CACNA1A: variants seen among roughly 807,000 people sequenced by gnomAD.
CACNA1A encodes calcium voltage-gated channel subunit alpha1 A.
A neutral mutation model predicts 262.4 loss-of-function variants in CACNA1A; 57 were observed. The observed-to-expected ratio is 0.22, with a 90% CI of 0.18 to 0.27. CACNA1A has a LOEUF of 0.27. CACNA1A is among the 10% of genes least tolerant of loss of function. CACNA1A has a pLI of 1.00. For synonymous variants in CACNA1A, 1,431 were observed against 1,419.3 expected (o/e 1.01, Z -0.18); for missense variants, 2,526 against 3,562.8 (o/e 0.71, Z 7.41).
Position 13,227,903 on chromosome 19 carries a change from CTT to C in CACNA1A, c.5529-378_5529-377del, listed in dbSNP as rs34218031. Among the ~76,000 whole-genome samples the C allele has an allele frequency of 8.1e-4, 60 of 74,258 alleles. 1 individual carries two copies. The highest frequency in any genetic ancestry group is 9.1e-4 in the Non-Finnish European group (40 of 43,996). 48.7% of individuals were successfully genotyped at this position (74,258 alleles called of 152,430 possible). ...GTAGAGCCATGCTTTTGTTCATTGC[CTT>C]TTTTTTTTTTTTTTTTTTTTTTTAA... On this transcript the variant is annotated intron_variant, in intron 36 of 46. Transcript: ENST00000360228.
At chr19:13,462,866 C>T (rs2061150122) in intron 1 of CACNA1A, among the ~76,000 whole-genome samples, 1 of 152,120 alleles carries the variant, frequency 6.6e-6, no homozygotes, top group African/African-American at 2.4e-5. Context: ...CTCAAGCGAT[C>T]CACCCACTTC....
intron 19 of CACNA1A, 24 bp downstream of exon 19, chr19:13,298,520 G>A (rs1311768737): frequency 1.0e-5 from 16 of 1,525,726 alleles, no homozygotes; most frequent in South Asian, 1.2e-5. Context: ...GTCATTCTGC[G>A]GATTCGAGGT....
chr19:13,334,613 G>A, intron 7 of CACNA1A, 120 bp from the exon 8 acceptor site: 1 of 616,002 alleles, frequency 1.6e-6, no homozygotes, highest in Non-Finnish European at 2.9e-6. Context: ...GTGTGTGTTT[G>A]GGGATTCAGA....
At chr19:13,325,196 C>CTTTT (rs201773357) in intron 10 of CACNA1A, among the ~76,000 whole-genome samples, 14 of 128,024 alleles carry the variant, frequency 1.1e-4, no homozygotes, top group African/African-American at 3.0e-4. Flanking sequence ...TCTTCTTCTT[C>CTTTT]TTTTTTTTTT....
intron 24 of CACNA1A, chr19:13,272,279 G>A (rs1011859342): frequency 2.6e-5 from 4 of 152,268 alleles, no homozygotes; most frequent in Non-Finnish European, 1.5e-5. Flanking sequence ...AGGTGGATAT[G>A]AGTGACATAT....
chr19:13,211,813 TC>T, intron 43 of CACNA1A: 1 of 386,602 alleles, frequency 2.6e-6, no homozygotes, highest in Non-Finnish European at 4.8e-6. Context: ...ACCTCCCCTG[TC>T]TGCAGCCTCC....
At chr19:13,385,308 C>T (rs2059592258) in intron 3 of CACNA1A, among the ~76,000 whole-genome samples, 1 of 149,114 alleles carries the variant, frequency 6.7e-6, no homozygotes, top group South Asian at 2.1e-4. Context: ...CGGCTTATTG[C>T]ATCCTCCGCT....
At chr19:13,412,331 G>A (rs1038391445) in intron 3 of CACNA1A, among the ~76,000 whole-genome samples, 3 of 151,818 alleles carry the variant, frequency 2.0e-5, no homozygotes, top group African/African-American at 7.3e-5. Context: ...TGAGTATCTG[G>A]GACTGCAGCC....
At chr19:13,342,885 A>C (rs1306546885) in intron 6 of CACNA1A, among the ~76,000 whole-genome samples, 2 of 152,176 alleles carry the variant, frequency 1.3e-5, no homozygotes, top group Non-Finnish European at 1.5e-5. Context: ...TTGTTACTGC[A>C]GCATAACTTG....
chr19:13,251,788 T>G (rs1445215494), intron 30 of CACNA1A, among the ~76,000 whole-genome samples: 4 of 152,122 alleles, frequency 2.6e-5, no homozygotes, highest in African/African-American at 9.7e-5. Flanking sequence ...ATTATTTTTT[T>G]GAGACTTGCT....
chr19:13,214,143 T>C lies in CACNA1A; in HGVS notation c.5940+90A>G. ...ACTTTTCAGGGACCTGCCCTGGGGC[T>C]CAGCCACCCTCATATTCCAGTTGGT... is the stretch of plus-strand genomic sequence containing the variant. On this transcript the variant is annotated intron_variant, in intron 40 of 46. Transcript: ENST00000360228. This position sits in a 1 kb window ranked among gnomAD's most constrained non-coding sequence, Gnocchi z 4.1. 2 of 1,066,640 alleles carry C rather than the reference T, an allele frequency of 1.9e-6. No individual in the cohort carries two copies. Among genetic ancestry groups the C allele is most frequent in the East Asian group, 2.6e-5 (1 of 38,732 alleles). The allele number at this position is 1,066,640 out of a possible 1,614,324, so 66.1% of individuals were successfully genotyped here.
At chr19:13,447,045 G>A (rs1406402056) in intron 3 of CACNA1A, among the ~76,000 whole-genome samples, 1 of 152,090 alleles carries the variant, frequency 6.6e-6, no homozygotes, top group Non-Finnish European at 1.5e-5. Flanking sequence ...GACTACCAGA[G>A]AAATAAGAGC....
At chr19:13,336,594 G>GGAGAGAGAGGGGGAGAGAGAGA (rs1555768093) in intron 6 of CACNA1A, among the ~76,000 whole-genome samples, 1 of 65,494 alleles carries the variant, frequency 1.5e-5, no homozygotes, top group East Asian at 5.5e-4. Flanking sequence ...AGAGAGAGAG[G>GGAGAGAGAGGGGGAGAGAGAGA]GAGAGAGAGA....
chr19:13,475,476 C>G (rs1191633088), intron 1 of CACNA1A, among the ~76,000 whole-genome samples: 2 of 152,194 alleles, frequency 1.3e-5, no homozygotes, highest in East Asian at 1.9e-4. Context: ...CGTCACTTCC[C>G]CTCACATTTC....
chr19:13,371,569 G>C (rs2059323645), intron 4 of CACNA1A, 119 bp downstream of exon 4: 1 of 712,604 alleles, frequency 1.4e-6, no homozygotes, highest in Non-Finnish European at 2.4e-6. Context: ...CCAAAGAAGA[G>C]ACTGCCCTCA....
At chr19:13,451,481 C>T (rs1274023941) in intron 3 of CACNA1A, 1 of 152,276 alleles carries the variant, frequency 6.6e-6, no homozygotes, top group Non-Finnish European at 1.5e-5. Flanking sequence ...GTACCAGATA[C>T]TAATGTCCCT....
At chr19:13,429,496 G>C (rs1470054297) in intron 3 of CACNA1A, among the ~76,000 whole-genome samples, 2 of 137,956 alleles carry the variant, frequency 1.4e-5, no homozygotes, top group Non-Finnish European at 3.0e-5. Flanking sequence ...CCCCCTCACT[G>C]TGCCCCTCAC....
At chr19:13,492,651 C>T (rs570280154) in intron 1 of CACNA1A, among the ~76,000 whole-genome samples, 3 of 152,134 alleles carry the variant, frequency 2.0e-5, no homozygotes, top group South Asian at 2.1e-4. Context: ...AAAAGGAAGC[C>T]CATTTTTGTT....
chr19:13,283,184 AC>A, intron 22 of CACNA1A, 82 bp downstream of exon 22: 1 of 1,544,692 alleles, frequency 6.5e-7, no homozygotes, highest in South Asian at 1.2e-5. Flanking sequence ...ATCCCACCCT[AC>A]CTATGAGCAT....
Sources: gnomAD v4.1 joint callset for allele counts (sites outside exome capture counted in the v4.1 genomes callset) on GRCh38, gnomAD v4.1.1 for gene constraint, Gnocchi (gnomAD v3.1) non-coding constraint, MANE v1.5 for transcripts, NCBI Gene and HGNC (gene_info 2026-07-23, HGNC 2026-07-21) for gene names.